SLC25A21: variants seen among roughly 807,000 people sequenced by gnomAD.
SLC25A21 encodes solute carrier family 25 member 21.
SLC25A21 carries 47 observed loss-of-function variants against 43.8 expected under a neutral mutation model. That is an observed-to-expected ratio of 1.07 (90% confidence interval 0.85 to 1.37). The LOEUF is 1.37. Ranked by LOEUF, SLC25A21 falls within the 40% of genes most tolerant of loss-of-function variation. The pLI, the probability that SLC25A21 is intolerant of heterozygous loss-of-function variation, is 0.00. For missense variants in SLC25A21, 352 were observed against 350.2 expected (o/e 1.00, Z -0.04); for synonymous variants, 131 against 121.3 (o/e 1.08, Z -0.52).
At chr14:37,091,442 A>C (rs200196535) in intron 1 of SLC25A21, among the ~76,000 whole-genome samples, 1 of 152,088 alleles carries the variant, frequency 6.6e-6, no homozygotes. Context: ...TCAAAAAAAA[A>C]AAAAAGCAAT....
intron 1 of SLC25A21, among the ~76,000 whole-genome samples, chr14:37,056,445 C>T (rs1291185128): frequency 1.3e-5 from 2 of 150,340 alleles, no homozygotes; most frequent in Non-Finnish European, 3.0e-5. Context: ...GAGCCGAGAT[C>T]GCGCCACTGC....
At chr14:36,986,928 G>C (rs1024085369) in intron 1 of SLC25A21, among the ~76,000 whole-genome samples, 1 of 152,026 alleles carries the variant, frequency 6.6e-6, no homozygotes, top group African/African-American at 2.4e-5. Context: ...GTCTTTATGT[G>C]TCTACATGCT....
chr14:36,822,125 A>T (rs1888658131), intron 2 of SLC25A21, among the ~76,000 whole-genome samples: 1 of 152,216 alleles, frequency 6.6e-6, no homozygotes, highest in Non-Finnish European at 1.5e-5. Context: ...ACAAGGTAGA[A>T]TATGCATGTT....
chr14:36,764,170 AAGAAAGAAAGAAAGAAAGAAAG>A (rs1594566124), intron 3 of SLC25A21, among the ~76,000 whole-genome samples: 8 of 73,546 alleles, frequency 1.1e-4, no homozygotes, highest in East Asian at 1.3e-3. Flanking sequence ...GAAAGAAAGA[AAGAAAGAAAGAAAGAAAGAAAG>A]AGAAAGAAAG....
chr14:36,886,012 T>A (rs1009474943), intron 1 of SLC25A21, among the ~76,000 whole-genome samples: 4 of 152,186 alleles, frequency 2.6e-5, no homozygotes, highest in African/African-American at 9.7e-5. Context: ...CATAAAAAAA[T>A]ACTTTTATAT....
chr14:36,705,055 G>A (rs1883450281), intron 7 of SLC25A21, among the ~76,000 whole-genome samples: 4 of 152,036 alleles, frequency 2.6e-5, no homozygotes, highest in South Asian at 4.2e-4. Flanking sequence ...GGGGCTTACC[G>A]TTATTTTTTT....
intron 2 of SLC25A21, among the ~76,000 whole-genome samples, chr14:36,854,300 C>G (rs748160464): frequency 6.6e-6 from 1 of 152,234 alleles, no homozygotes; most frequent in Non-Finnish European, 1.5e-5. Flanking sequence ...TTGATTCACT[C>G]TGAAGATATA....
At chr14:37,041,829 G>A (rs535316070) in intron 1 of SLC25A21, among the ~76,000 whole-genome samples, 1 of 152,304 alleles carries the variant, frequency 6.6e-6, no homozygotes, top group Non-Finnish European at 1.5e-5. Flanking sequence ...AGGAACTCCA[G>A]TTCTCTCAAT....
At chr14:36,897,399 G>C (rs894869826) in intron 1 of SLC25A21, among the ~76,000 whole-genome samples, 1 of 151,974 alleles carries the variant, frequency 6.6e-6, no homozygotes, top group Non-Finnish European at 1.5e-5. Context: ...GGTCCTTTAA[G>C]GACTTCTCTG....
chr14:36,962,502 C>A (rs193261352), intron 1 of SLC25A21, among the ~76,000 whole-genome samples: 16 of 152,274 alleles, frequency 1.1e-4, no homozygotes, highest in Admixed American at 1.0e-3. Flanking sequence ...CACCCCATAG[C>A]CCCACCCCTG....
At chr14:36,961,234 C>T (rs141948516) in intron 1 of SLC25A21, among the ~76,000 whole-genome samples, 11 of 151,344 alleles carry the variant, frequency 7.3e-5, no homozygotes, top group Admixed American at 3.9e-4. Flanking sequence ...TTTTTTGAGA[C>T]GGAGCCTCGC....
chr14:36,954,547 T>C (rs1367214187), intron 1 of SLC25A21, among the ~76,000 whole-genome samples: 1 of 151,792 alleles, frequency 6.6e-6, no homozygotes, highest in Non-Finnish European at 1.5e-5. Flanking sequence ...AATTGACACA[T>C]AAAATTCATA....
At chr14:37,064,010 G>T (rs1321169225) in intron 1 of SLC25A21, among the ~76,000 whole-genome samples, 2 of 152,282 alleles carry the variant, frequency 1.3e-5, no homozygotes, top group Non-Finnish European at 2.9e-5. Flanking sequence ...TTACTTTCAG[G>T]TGTGTCTGTA....
chr14:36,742,513 T>C (rs897530893), intron 3 of SLC25A21, among the ~76,000 whole-genome samples: 8 of 152,198 alleles, frequency 5.3e-5, no homozygotes, highest in African/African-American at 1.9e-4. Context: ...CATGGCTCTG[T>C]GATTTGAATT....
chr14:36,867,172 A>C (rs1890236886), intron 2 of SLC25A21, among the ~76,000 whole-genome samples: 1 of 151,954 alleles, frequency 6.6e-6, no homozygotes, highest in Non-Finnish European at 1.5e-5. Context: ...TACATTACCT[A>C]CTTCTTTCCC....
intron 2 of SLC25A21, among the ~76,000 whole-genome samples, chr14:36,841,294 G>T (rs1025243174): frequency 6.6e-6 from 1 of 152,142 alleles, no homozygotes; most frequent in Non-Finnish European, 1.5e-5. Context: ...CAACACAGTA[G>T]AAATAAATCT....
chr14:36,890,484 C>G (rs1476137054), intron 1 of SLC25A21, among the ~76,000 whole-genome samples: 1 of 151,996 alleles, frequency 6.6e-6, no homozygotes. Context: ...CTTGTTGGTC[C>G]TGCTGGAATC....
At chr14:37,076,806 A>C (rs981510423) in intron 1 of SLC25A21, among the ~76,000 whole-genome samples, 1 of 152,170 alleles carries the variant, frequency 6.6e-6, no homozygotes, top group Admixed American at 6.6e-5. Flanking sequence ...CTTAATGTTT[A>C]ATATGAGCCT....
intron 3 of SLC25A21, among the ~76,000 whole-genome samples, chr14:36,749,411 C>T (rs1323002879): frequency 6.6e-6 from 1 of 152,156 alleles, no homozygotes; most frequent in Non-Finnish European, 1.5e-5. Flanking sequence ...CTGATCATAT[C>T]TTACTCTAAA....
Sources: allele counts gnomAD v4.1 joint callset (sites outside exome capture counted in the v4.1 genomes callset), GRCh38; gene constraint gnomAD v4.1.1; transcripts MANE v1.5; gene names NCBI Gene and HGNC (gene_info 2026-07-23, HGNC 2026-07-21).